Variants in POLDIP2 observed in about 807,000 individuals in gnomAD.
POLDIP2 encodes DNA polymerase delta interacting protein 2, also known as polymerase delta-interacting protein 2.
Under a neutral mutation model 52.9 loss-of-function variants are expected in POLDIP2, and 32 were observed. The observed-to-expected ratio is 0.61, with a 90% CI of 0.46 to 0.81. The LOEUF (loss-of-function observed/expected upper bound fraction) is 0.81, where lower values mean the gene tolerates loss of function less well. Ranked by LOEUF, POLDIP2 falls within the 40% of genes least tolerant of loss-of-function variation. POLDIP2 has a pLI of 0.00. For synonymous variants in POLDIP2, 183 were observed against 183.0 expected, an observed-to-expected ratio of 1.00 and a Z score of 0.00; for missense variants, 371 against 477.3, an observed-to-expected ratio of 0.78 and a Z score of 2.07.
Position 28,348,247 on chromosome 17 carries a change from A to G in POLDIP2, c.993-16T>C. The G allele has an allele frequency of 1.3e-6, 2 of 1,590,030 alleles. No individual in the cohort carries two copies. Among genetic ancestry groups the G allele is most frequent in the Non-Finnish European group, 8.6e-7 (1 of 1,158,228 alleles). On this transcript the variant is annotated splice_polypyrimidine_tract_variant and intron_variant, in intron 10 of 10. Transcript: ENST00000540200. ...GAACGTGCCCCTACAGTCAGAAAGA[A>G]GCTGGTTTAGAAGGAGCCAGGGCTG... is the stretch of plus-strand genomic sequence containing the variant.
At chr17:28,351,425 G>A (rs1267318291) in intron 7 of POLDIP2, among the ~76,000 whole-genome samples, 10 of 151,974 alleles carry the variant, frequency 6.6e-5, no homozygotes, top group Admixed American at 5.2e-4. Flanking sequence ...TGAGCAAGAG[G>A]GAAGAGACAG....
At chr17:28,348,368 G>C in intron 10 of POLDIP2, 137 bp from the exon 11 acceptor site, 2 of 615,000 alleles carry the variant, frequency 3.3e-6, no homozygotes, top group Non-Finnish European at 5.8e-6. Context: ...CTCATGACAG[G>C]ATGACTGGTC....
At chr17:28,351,094 C>G (rs1431568967) in intron 7 of POLDIP2, among the ~76,000 whole-genome samples, 1 of 152,168 alleles carries the variant, frequency 6.6e-6, no homozygotes, top group Admixed American at 6.5e-5. Context: ...CCAGCCCTGC[C>G]CCCTATCCTT....
intron 6 of POLDIP2, among the ~76,000 whole-genome samples, chr17:28,352,233 A>ATTTCTTTTTTT (rs1907822666): frequency 6.8e-5 from 3 of 44,308 alleles, no homozygotes; most frequent in East Asian, 2.2e-3. Context: ...CGTTGGAATT[A>ATTTCTTTTTTT]TTTCTTTTTT....
Position 28,350,570 on chromosome 17 carries a change from T to C in POLDIP2, c.787-7A>G. ...AACGGATACAGTAGCGCCACTGAGG[T>C]GGGTGTGGGAGAGAGAGTTTAAAAA... On this transcript the variant is annotated splice_region_variant and splice_polypyrimidine_tract_variant and intron_variant, in intron 8 of 10. Coordinates refer to ENST00000540200, the MANE Select transcript of POLDIP2 (RefSeq NM_015584.5). 1.2e-6 allele frequency: 2 copies of C among 1,611,226 alleles called. No individual in the cohort carries two copies.
Position 28,347,168 on chromosome 17 carries a change from G to A in POLDIP2, c.*949C>T, listed in dbSNP as rs1555579120. 2.0e-5 allele frequency: 3 copies of A among 152,110 alleles called. No individual in the cohort carries two copies. The allele number at this position is 152,110 out of a possible 1,614,324, so 9.4% of individuals were successfully genotyped here. A position where few individuals can be genotyped will look rare whatever the true frequency, so the allele number is the denominator to read the frequency against. On this transcript the variant is annotated 3_prime_UTR_variant, in exon 11 of 11. Transcript: ENST00000540200. ...ACCCCAGCTCCCCCTGGAGGACTAA[G>A]GACAAGAATAACAAGGGCTGGAACT...
intron 8 of POLDIP2, 64 bp from the exon 9 acceptor site, chr17:28,350,627 C>T: frequency 6.3e-7 from 1 of 1,591,150 alleles, no homozygotes; most frequent in Non-Finnish European, 8.6e-7. Context: ...CCTCAGAATT[C>T]TGTGCAAAGC....
chr17:28,349,614 C>T (rs1036235959), intron 9 of POLDIP2, among the ~76,000 whole-genome samples: 3 of 152,040 alleles, frequency 2.0e-5, no homozygotes, highest in Non-Finnish European at 4.4e-5. Flanking sequence ...GGTGACACAG[C>T]GAGACCCTGT....
At chr17:28,355,236 CCACATTAACTTGGAAAGAGAACCCACTGA>C (rs1210600969) in intron 2 of POLDIP2, among the ~76,000 whole-genome samples, 1 of 152,240 alleles carries the variant, frequency 6.6e-6, no homozygotes, top group East Asian at 1.9e-4. Flanking sequence ...CCATCCCTGT[CCACATTAACTTGGAAAGAGAACCCACTGA>C]CACATTAAGT....
At chr17:28,350,817 A>G (rs1184054120) in intron 7 of POLDIP2, 25 bp from the exon 8 acceptor site, 12 of 1,567,668 alleles carry the variant, frequency 7.7e-6, no homozygotes, top group Non-Finnish European at 9.5e-6. Flanking sequence ...AAAAGAATTT[A>G]AGTCCCACAG....
Position 28,347,774 on chromosome 17 carries a change from A to G in POLDIP2, c.*343T>C. ...AAGGGGAGCCTGAGACTCTGGGAGC[A>G]GAAATGGCAAGGGTGGCCAAGCGTG... On this transcript the variant is annotated 3_prime_UTR_variant, in exon 11 of 11. Coordinates refer to ENST00000540200, the MANE Select transcript of POLDIP2 (RefSeq NM_015584.5). The G allele has an allele frequency of 5.1e-6, 1 of 196,776 alleles. No homozygotes were observed. Among genetic ancestry groups the G allele is most frequent in the Non-Finnish European group, 1.0e-5 (1 of 96,408 alleles). The allele number at this position is 196,776 out of a possible 1,614,324, so 12.2% of individuals were successfully genotyped here. A position where few individuals can be genotyped will look rare whatever the true frequency, so the allele number is the denominator to read the frequency against.
intron 7 of POLDIP2, 149 bp from the exon 8 acceptor site, chr17:28,350,941 C>T (rs1567791579): frequency 1.4e-6 from 1 of 710,484 alleles, no homozygotes; most frequent in Non-Finnish European, 2.5e-6. Flanking sequence ...ATAGCTGAAC[C>T]ATGGCCTACA....
At position 28,351,794 on chromosome 17, in the gene POLDIP2, G is replaced by T. The variant is rs960777269; in HGVS notation, c.629C>A (p.Pro210His). Residue 210 changes from proline to histidine, a missense_variant, in exon 7 of 11, where the codon CCT becomes CAT. By Grantham distance (77) the Pro-to-His change is moderately conservative (BLOSUM62 -2). Transcript: ENST00000540200. ...CCTTAGCGTCTCCCGAGCCACAAAA[G>T]GAGGTGCTGGGGCAAGATACAATTG... ...FLLYDQTKAP[P>H]FVARETLRAW... The T allele has an allele frequency of 4.3e-6, 7 of 1,613,582 alleles. No homozygotes were observed. The highest frequency in any genetic ancestry group is 1.7e-5 in the Admixed American group (1 of 60,000).
intron 9 of POLDIP2, among the ~76,000 whole-genome samples, chr17:28,349,571 T>A (rs1273394583): frequency 2.0e-5 from 3 of 150,970 alleles, no homozygotes; most frequent in Non-Finnish European, 2.9e-5. Context: ...CCCAGAAAAG[T>A]AAACTATGGT....
chr17:28,349,141 G>A lies in POLDIP2; in HGVS notation c.934C>T (p.Gln312Ter), dbSNP rs1555579454. 6.2e-7 allele frequency: 1 copy of A among 1,613,084 alleles called. No individual in the cohort carries two copies. The highest frequency in any genetic ancestry group is 1.3e-5 in the African/African-American group (1 of 75,014). The change falls in exon 10 of 11, where the codon CAG becomes TAG. Residue 312 changes from glutamine (Q) to a stop codon, truncating the protein, a stop_gained. Transcript: ENST00000540200. LOFTEE classifies it high-confidence loss of function. ...VGREPVLSKE[Q>*]PAFQYSSHVS... ...TGGCTGCTATACTGGAACGCAGGCT[G>A]CTCCTTGGATAACACTGGTTCCTGT...
At position 28,347,853 on chromosome 17, in the gene POLDIP2, T is replaced by C; in HGVS notation, c.*264A>G. On this transcript the variant is annotated 3_prime_UTR_variant, in exon 11 of 11. Coordinates refer to ENST00000540200, the MANE Select transcript of POLDIP2 (RefSeq NM_015584.5). ...ACAGGCCAGGAAACTCCTCCAGGCC[T>C]GTGGCAGCTGAACACAGTTCCTTGG... is the stretch of plus-strand genomic sequence containing the variant. 1 of 436,370 alleles carries C rather than the reference T, an allele frequency of 2.3e-6. No individual in the cohort carries two copies. The highest frequency in any genetic ancestry group is 4.1e-6 in the Non-Finnish European group (1 of 241,934). The allele number at this position is 436,370 out of a possible 1,614,324, so 27.0% of individuals were successfully genotyped here.
chr17:28,351,894 C>G, intron 6 of POLDIP2, 94 bp from the exon 7 acceptor site: 1 of 1,171,040 alleles, frequency 8.5e-7, no homozygotes, highest in Non-Finnish European at 1.3e-6. Context: ...ATTGCCCCTC[C>G]TAGAAAACCC....
At chr17:28,352,116 G>GT (rs1907815742) in intron 6 of POLDIP2, among the ~76,000 whole-genome samples, 1 of 151,724 alleles carries the variant, frequency 6.6e-6, no homozygotes, top group African/African-American at 2.4e-5. Context: ...CTGATCCTCA[G>GT]TTTCCATATC....
intron 1 of POLDIP2, 119 bp downstream of exon 1, chr17:28,357,169 T>A (rs1908079911): frequency 1.0e-6 from 1 of 983,672 alleles, no homozygotes; most frequent in South Asian, 1.8e-5. Flanking sequence ...CGGGACCCTC[T>A]CCCGGGTCAA....
Sources: allele counts gnomAD v4.1 joint callset (sites outside exome capture counted in the v4.1 genomes callset), GRCh38; gene constraint gnomAD v4.1.1; transcripts MANE v1.5; gene names NCBI Gene and HGNC (gene_info 2026-07-23, HGNC 2026-07-21).